Variants in FHIT observed in about 807,000 individuals in gnomAD.
The protein encoded by FHIT is fragile histidine triad diadenosine triphosphatase, also known as bis(5'-adenosyl)-triphosphatase.
Under a neutral mutation model 17.9 loss-of-function variants are expected in FHIT, and 19 were observed. The ratio of observed to expected loss-of-function variants is 1.06; its 90% CI spans 0.74 to 1.56. The LOEUF is 1.56. Ranked by LOEUF, FHIT falls within the 40% of genes most tolerant of loss-of-function variation. FHIT has a pLI of 0.00. For synonymous variants in FHIT, 81 were observed against 69.7 expected (o/e 1.16, Z -0.81); for missense variants, 248 against 189.2 (o/e 1.31, Z -1.82).
chr3:60,032,846 T>A (rs1008298168), intron 5 of FHIT, among the ~76,000 whole-genome samples: 2 of 152,218 alleles, frequency 1.3e-5, no homozygotes, highest in Non-Finnish European at 1.5e-5. Flanking sequence ...AACCTGAATT[T>A]CTAATTTTAC....
intron 5 of FHIT, among the ~76,000 whole-genome samples, chr3:60,366,167 C>T (rs752488151): frequency 4.0e-4 from 61 of 152,112 alleles, no homozygotes; most frequent in Non-Finnish European, 2.2e-4. Context: ...AGGAAAAAGG[C>T]GCTATGTTCA....
intron 5 of FHIT, among the ~76,000 whole-genome samples, chr3:60,340,534 G>A (rs1018569834): frequency 6.6e-6 from 1 of 152,262 alleles, no homozygotes; most frequent in South Asian, 2.1e-4. Flanking sequence ...CTTCAGACAA[G>A]TAACTATATG....
rs1553752304 is a variant in FHIT at position 60,861,190 on chromosome 3, T to TATATGATATATCATATC, written c.-110-39180_-110-39179insGATATGATATATCATAT. Among the ~76,000 whole-genome samples the TATATGATATATCATATC allele has an allele frequency of 5.4e-3, 16 of 2,986 alleles. 4 individuals are homozygous for TATATGATATATCATATC. Among genetic ancestry groups the TATATGATATATCATATC allele is most frequent in the East Asian group, 0.024 (2 of 84 alleles). The allele number at this position is 2,986 out of a possible 152,430, so 2.0% of individuals were successfully genotyped here. On this transcript the variant is annotated intron_variant, in intron 3 of 9. Transcript: ENST00000492590. ...CATATGTTCTATGATATATATGATA[T>TATATGATATATCATATC]ATATCATATATGATATATATGATAT...
intron 3 of FHIT, among the ~76,000 whole-genome samples, chr3:60,843,644 T>C (rs1702817446): frequency 6.6e-6 from 1 of 151,404 alleles, no homozygotes; most frequent in African/African-American, 2.4e-5. Context: ...AACTTACCTA[T>C]TGATATCACA....
intron 8 of FHIT, among the ~76,000 whole-genome samples, chr3:59,877,405 G>C (rs1031135165): frequency 3.3e-5 from 5 of 152,198 alleles, no homozygotes; most frequent in African/African-American, 1.2e-4. Context: ...CAGGGATAAA[G>C]TGGTCATGGA....
intron 4 of FHIT, among the ~76,000 whole-genome samples, chr3:60,592,951 C>T (rs2038136133): frequency 6.6e-6 from 1 of 152,052 alleles, no homozygotes; most frequent in Non-Finnish European, 1.5e-5. Flanking sequence ...TAGCAAAGGT[C>T]CCAGTGGCTG....
chr3:60,407,255 G>A (rs1277507362), intron 5 of FHIT, among the ~76,000 whole-genome samples: 1 of 151,710 alleles, frequency 6.6e-6, no homozygotes, highest in African/African-American at 2.4e-5. Context: ...AATCCACCTT[G>A]TGCTTCGGTT....
At chr3:61,029,338 T>A (rs942192308) in intron 3 of FHIT, among the ~76,000 whole-genome samples, 1 of 152,224 alleles carries the variant, frequency 6.6e-6, no homozygotes, top group Non-Finnish European at 1.5e-5. Flanking sequence ...ATCTAACGCG[T>A]ATGAACAAGA....
intron 2 of FHIT, among the ~76,000 whole-genome samples, chr3:61,151,031 G>A (rs2037371616): frequency 6.6e-6 from 1 of 152,188 alleles, no homozygotes. Context: ...TCTACACTGT[G>A]AAAATTACTG....
chr3:61,067,524 T>C (rs200053011), intron 2 of FHIT, among the ~76,000 whole-genome samples: 18 of 101,846 alleles, frequency 1.8e-4, no homozygotes, highest in African/African-American at 5.7e-4. Context: ...ATGATTTTTA[T>C]TGGGGGTCAG....
At chr3:60,098,398 G>A (rs925021314) in intron 5 of FHIT, among the ~76,000 whole-genome samples, 21 of 149,190 alleles carry the variant, frequency 1.4e-4, no homozygotes, top group Non-Finnish European at 3.1e-4. Flanking sequence ...ACTTTTTAAT[G>A]ATTGCCATTC....
chr3:60,671,879 G>A (rs1038778493), intron 4 of FHIT, among the ~76,000 whole-genome samples: 2 of 151,830 alleles, frequency 1.3e-5, no homozygotes, highest in Non-Finnish European at 2.9e-5. Flanking sequence ...GAAACCAGGA[G>A]AAGAAGATTG....
chr3:60,436,035 C>T (rs1483161901), intron 5 of FHIT, among the ~76,000 whole-genome samples: 6 of 151,930 alleles, frequency 3.9e-5, no homozygotes, highest in Admixed American at 3.9e-4. Context: ...ATATGTACCA[C>T]ATTTTTTCTT....
At chr3:60,255,378 A>C (rs546637137) in intron 5 of FHIT, among the ~76,000 whole-genome samples, 1 of 152,146 alleles carries the variant, frequency 6.6e-6, no homozygotes, top group African/African-American at 2.4e-5. Context: ...AGGATGGCAC[A>C]GGGGTTGCAA....
chr3:61,186,421 T>C (rs1041314217), intron 2 of FHIT, among the ~76,000 whole-genome samples: 3 of 152,162 alleles, frequency 2.0e-5, no homozygotes, highest in Non-Finnish European at 2.9e-5. Context: ...ATTCAGATTC[T>C]TTCCCCCAGG....
chr3:61,238,638 C>T (rs1309585966), intron 1 of FHIT, among the ~76,000 whole-genome samples: 1 of 152,222 alleles, frequency 6.6e-6, no homozygotes, highest in Non-Finnish European at 1.5e-5. Context: ...AGTCATTTTT[C>T]CTCTTTACAG....
intron 4 of FHIT, among the ~76,000 whole-genome samples, chr3:60,808,921 T>C (rs1454352811): frequency 1.3e-5 from 2 of 152,222 alleles, no homozygotes; most frequent in African/African-American, 4.8e-5. Context: ...AATGGACTTC[T>C]ATAAATTTTA....
chr3:61,231,334 G>A (rs2040095218), intron 1 of FHIT, among the ~76,000 whole-genome samples: 1 of 151,874 alleles, frequency 6.6e-6, no homozygotes, highest in Non-Finnish European at 1.5e-5. Flanking sequence ...TCTACAAAAA[G>A]TTTAAAAAAA....
chr3:60,585,102 G>C (rs896248432), intron 4 of FHIT, among the ~76,000 whole-genome samples: 13 of 151,942 alleles, frequency 8.6e-5, no homozygotes, highest in Non-Finnish European at 1.6e-4. Flanking sequence ...ATAGCTACTA[G>C]GTGAGCTGGA....
Sources: allele counts gnomAD v4.1 joint callset (sites outside exome capture counted in the v4.1 genomes callset), GRCh38; gene constraint gnomAD v4.1.1; transcripts MANE v1.5; gene names NCBI Gene and HGNC (gene_info 2026-07-23, HGNC 2026-07-21).